RBM28: variants seen among roughly 807,000 people sequenced by gnomAD.
RBM28 encodes the protein RNA-binding protein 28.
In RBM28, 78 loss-of-function variants were observed where a neutral mutation model predicts 98.3. The observed-to-expected ratio is 0.79, with a 90% CI of 0.66 to 0.96. The LOEUF (loss-of-function observed/expected upper bound fraction) is 0.96. RBM28 is among the 40% of genes least tolerant of loss of function. The pLI is 0.00. For missense variants in RBM28, 838 were observed against 913.0 expected, an observed-to-expected ratio of 0.92 and a Z score of 1.06; for synonymous variants, 306 against 330.9, an observed-to-expected ratio of 0.92 and a Z score of 0.82.
Position 128,306,413 on chromosome 7 carries a change from A to G in RBM28, c.*4384T>C, listed in dbSNP as rs1463273985. On this transcript the variant is annotated 3_prime_UTR_variant, in exon 19 of 19. Transcript: ENST00000223073. ...AGGAAATGACTCTGTTGTCCTTCAC[A>G]AGCCCAGCTAGGCCCTGGAACAAAT... is the stretch of plus-strand genomic sequence containing the variant. 6.6e-6 allele frequency: 1 copy of G among 152,254 alleles called. No individual in the cohort carries two copies. The highest frequency in any genetic ancestry group is 1.5e-5 in the Non-Finnish European group (1 of 68,054). 9.4% of individuals were successfully genotyped at this position (152,254 alleles called of 1,614,324 possible). A position where few individuals can be genotyped will look rare whatever the true frequency, so the allele number is the denominator to read the frequency against.
At chr7:128,320,339 G>GT in intron 14 of RBM28, among the ~76,000 whole-genome samples, 1 of 146,716 alleles carries the variant, frequency 6.8e-6, no homozygotes, top group Admixed American at 6.8e-5. Flanking sequence ...GGGGGGGGGG[G>GT]TGGCGGTTTG....
intron 12 of RBM28, among the ~76,000 whole-genome samples, chr7:128,324,153 AT>A (rs996551979): frequency 6.6e-6 from 1 of 152,272 alleles, no homozygotes; most frequent in East Asian, 1.9e-4. Flanking sequence ...TTTAAAGCTA[AT>A]TTTTTTGTCT....
At chr7:128,318,227 G>A (rs748480582) in intron 14 of RBM28, 121 bp from the exon 15 acceptor site, 41 of 1,040,976 alleles carry the variant, frequency 3.9e-5, no homozygotes, top group Middle Eastern at 2.8e-4. Context: ...GTTCATGCCT[G>A]TAATCCTAGC....
chr7:128,337,252 A>G (rs779969320), intron 5 of RBM28, 50 bp from the exon 6 acceptor site: 1 of 1,575,136 alleles, frequency 6.3e-7, no homozygotes, highest in Non-Finnish European at 8.7e-7. Context: ...TAAAAACCCT[A>G]CCTCTGTAAA....
chr7:128,342,752 C>A (rs1023898729), intron 1 of RBM28, among the ~76,000 whole-genome samples: 6 of 152,178 alleles, frequency 3.9e-5, no homozygotes, highest in Non-Finnish European at 7.3e-5. Flanking sequence ...CCTTTACTCA[C>A]TTCAATCCAG....
At chr7:128,325,700 T>C (rs555033234) in intron 11 of RBM28, 118 bp downstream of exon 11, 1 of 743,534 alleles carries the variant, frequency 1.3e-6, no homozygotes, top group South Asian at 1.5e-5. Context: ...TAAATAAGTG[T>C]TAGTTTTATT....
rs1796301795 is a variant in RBM28 at position 128,324,454 on chromosome 7, T to C, written c.1339+105A>G. The C allele has an allele frequency of 3.5e-5, 52 of 1,494,208 alleles. No individual in the cohort carries two copies. In the South Asian group the frequency reaches 5.8e-4, roughly 17 times the overall value. 92.6% of individuals were successfully genotyped at this position (1,494,208 alleles called of 1,614,324 possible). A position where few individuals can be genotyped will look rare whatever the true frequency, so the allele number is the denominator to read the frequency against. On this transcript the variant is annotated intron_variant, in intron 12 of 18. Coordinates refer to ENST00000223073, the MANE Select transcript of RBM28 (RefSeq NM_018077.3). The stretch of plus-strand genomic sequence containing the variant: ...CATATAACACTGTTAAAGAGAACAT[T>C]TGGGTTTTTAATTTGAAACATGCTT...
chr7:128,334,035 G>T (rs538723346), intron 8 of RBM28, among the ~76,000 whole-genome samples: 51 of 152,304 alleles, frequency 3.3e-4, no homozygotes, highest in Non-Finnish European at 6.2e-4. Flanking sequence ...ATGTGTATAT[G>T]TGTGTGTATA....
intron 1 of RBM28, 44 bp downstream of exon 1, chr7:128,343,628 CTCGA>C: frequency 1.4e-6 from 2 of 1,423,942 alleles, no homozygotes; most frequent in East Asian, 2.5e-5. Context: ...GGAAGGTGCC[CTCGA>C]TCGCAGGAAA....
At position 128,324,954 on chromosome 7, in the gene RBM28, G is replaced by A. The variant is rs536373713; in HGVS notation, c.1204-260C>T. 6.9e-4 allele frequency among the ~76,000 whole-genome samples: 105 copies of A among 152,188 alleles called. 2 individuals are homozygous for A. In the South Asian group the frequency reaches 0.021, roughly 30 times the overall value. ...GAACCTGGGAGACGGAGCTTGCAGT[G>A]AGCGGACATCGCGCAACTACACTCC... On this transcript the variant is annotated intron_variant, in intron 11 of 18. Coordinates refer to ENST00000223073, the MANE Select transcript of RBM28 (RefSeq NM_018077.3).
In RBM28 at chr7:128,312,354, C is replaced by T. The variant is rs113478031; in HGVS notation, c.2145+821G>A. Among the ~76,000 whole-genome samples, 904 of 152,182 alleles carry T rather than the reference C, an allele frequency of 5.9e-3. 8 individuals carry two copies. Among genetic ancestry groups the T allele is most frequent in the African/African-American group, 0.021 (864 of 41,518 alleles). ...CGGAGGTTGCAGTGAGCCGAGATTG[C>T]GCCATTGCACTCCAGCCTAGGCAAC... On this transcript the variant is annotated intron_variant, in intron 18 of 18. Transcript: ENST00000223073.
chr7:128,315,528 CAG>C (rs1253489149), intron 16 of RBM28, among the ~76,000 whole-genome samples: 2 of 152,044 alleles, frequency 1.3e-5, no homozygotes, highest in East Asian at 1.9e-4. Flanking sequence ...AGAAGCCAGA[CAG>C]GGGAAAAATT....
At chr7:128,324,504 T>C in intron 12 of RBM28, 55 bp downstream of exon 12, 1 of 1,611,882 alleles carries the variant, frequency 6.2e-7, no homozygotes, top group Non-Finnish European at 8.5e-7. Context: ...GCTTGATCAA[T>C]GATTATGGCA....
At position 128,342,537 on chromosome 7, in the gene RBM28, C is replaced by G. The variant is rs181692257; in HGVS notation, c.118+1139G>C. Among the ~76,000 whole-genome samples the G allele has an allele frequency of 2.6e-5, 4 of 152,290 alleles. No individual in the cohort carries two copies. The East Asian group carries it at 5.8e-4, about 22-fold the overall frequency. Reference sequence around the variant, plus strand: ...TCTCTACTAAAAATACAAAAATTAGCCAGGTGTAGTGACACTCGCCTGTAA... The same window carrying G: ...TCTCTACTAAAAATACAAAAATTAGGCAGGTGTAGTGACACTCGCCTGTAA... On this transcript the variant is annotated intron_variant, in intron 1 of 18. Coordinates refer to ENST00000223073, the MANE Select transcript of RBM28 (RefSeq NM_018077.3).
intron 16 of RBM28, 42 bp downstream of exon 16, chr7:128,317,617 G>A (rs1310077548): frequency 1.4e-6 from 2 of 1,406,042 alleles, no homozygotes; most frequent in Admixed American, 1.7e-5. Context: ...CAAAATAGAA[G>A]AGTTTATGTC....
At position 128,333,295 on chromosome 7, in the gene RBM28, A is replaced by G. The variant is rs1584657579; in HGVS notation, c.1014T>C (p.Phe338=). 6.3e-7 allele frequency: 1 copy of G among 1,591,648 alleles called. No homozygotes were observed. ...CTGGAGGCAGAAAGACATACCTGAT[A>G]AAAACAGTTTTCCCTTCATTCACAT... ...PSDVNEGKTV[F]IRNLSFDSEE... The change falls in exon 9 of 19, where the codon TTT becomes TTC. Residue 338 remains phenylalanine, a synonymous_variant. Transcript: ENST00000223073.
Position 128,314,754 on chromosome 7 carries a change from T to C in RBM28, c.2045+10A>G. ...CCACTGTTCTGTGCTTCTGCCCTCC[T>C]GCATCTCACCTGATTTTGGGGCCTC... is the stretch of plus-strand genomic sequence containing the variant. On this transcript the variant is annotated intron_variant, in intron 17 of 18. Coordinates refer to ENST00000223073, the MANE Select transcript of RBM28 (RefSeq NM_018077.3). 1 of 1,614,242 alleles carries C rather than the reference T, an allele frequency of 6.2e-7. No homozygotes were observed. Among genetic ancestry groups the C allele is most frequent in the Non-Finnish European group, 8.5e-7 (1 of 1,180,046 alleles).
intron 3 of RBM28, 42 bp from the exon 4 acceptor site, chr7:128,338,843 C>T (rs1282088608): frequency 1.5e-6 from 2 of 1,352,816 alleles, no homozygotes; most frequent in South Asian, 1.2e-5. Context: ...AACACAATCA[C>T]AGCAAATTAA....
rs1413860737 is a variant in RBM28 at position 128,308,219 on chromosome 7, G to A, written c.*2578C>T. ...AAAGAACTGTACAACAGCTCTCCAAGCAAGTGAATGAGGTTTTAACATACT... is the reference window on the plus strand; with the variant it reads ...AAAGAACTGTACAACAGCTCTCCAAACAAGTGAATGAGGTTTTAACATACT... On this transcript the variant is annotated 3_prime_UTR_variant, in exon 19 of 19. Transcript: ENST00000223073. The A allele has an allele frequency of 6.6e-6, 1 of 152,206 alleles. No homozygotes were observed. 9.4% of individuals were successfully genotyped at this position (152,206 alleles called of 1,614,324 possible). A position where few individuals can be genotyped will look rare whatever the true frequency, so the allele number is the denominator to read the frequency against.
Sources: gnomAD v4.1 joint callset for allele counts (sites outside exome capture counted in the v4.1 genomes callset) on GRCh38, gnomAD v4.1.1 for gene constraint, MANE v1.5 for transcripts, NCBI Gene and HGNC (gene_info 2026-07-23, HGNC 2026-07-21) for gene names.